The following EFNA2 variants were observed in gnomAD, a reference collection of about 807,000 sequenced individuals.
EFNA2 encodes ephrin A2, also known as ephrin-A2.
Under a neutral mutation model 19.7 loss-of-function variants are expected in EFNA2, and 18 were observed. That is an observed-to-expected ratio of 0.91 (90% CI 0.63 to 1.35). The LOEUF is 1.35. EFNA2 is among the 40% of genes most tolerant of loss of function. The pLI, the probability that EFNA2 is intolerant of heterozygous loss-of-function variation, is 0.00. For synonymous variants in EFNA2, 187 were observed against 137.8 expected (o/e 1.36, Z -2.50); for missense variants, 303 against 296.0 (o/e 1.02, Z -0.17).
chr19:1,288,406 C>T (rs925311653), intron 1 of EFNA2, among the ~76,000 whole-genome samples: 11 of 152,038 alleles, frequency 7.2e-5, no homozygotes, highest in Non-Finnish European at 1.2e-4. Context: ...AGAGGAGTGG[C>T]GTCAGCCGGC....
In EFNA2 at chr19:1,300,124, A is replaced by C; in HGVS notation, c.*179A>C. ...TCCACCCGCCCCAGGACCAGCCCTC[A>C]GGGAGGGGAAACGGCCGAGAGCCCC... On this transcript the variant is annotated 3_prime_UTR_variant, in exon 4 of 4. Coordinates refer to ENST00000215368, the MANE Select transcript of EFNA2 (RefSeq NM_001405.4). 1.2e-6 allele frequency: 1 copy of C among 858,382 alleles called. No homozygotes were observed. The highest frequency in any genetic ancestry group is 1.6e-6 in the Non-Finnish European group (1 of 609,554). 53.2% of individuals were successfully genotyped at this position (858,382 alleles called of 1,614,324 possible).
Position 1,294,302 on chromosome 19 carries a change from G to A in EFNA2, c.141-1243G>A, listed in dbSNP as rs1014965611. On this transcript the variant is annotated intron_variant, in intron 1 of 3. Transcript: ENST00000215368. This position sits in a 1 kb window ranked among gnomAD's most constrained non-coding sequence, Gnocchi z 5.8. The stretch of plus-strand genomic sequence containing the variant: ...GCCGGGAGATCTAAGGGCTCCTGCC[G>A]CCATCGCCCGAGGCAGTGAGGGAAG... Among the ~76,000 whole-genome samples, 10 of 152,220 alleles carry A rather than the reference G, an allele frequency of 6.6e-5. No homozygotes were observed. The highest frequency in any genetic ancestry group is 6.2e-4 in the South Asian group (3 of 4,832).
chr19:1,301,294 G>A lies in EFNA2; in HGVS notation c.*1349G>A, dbSNP rs2081542383. ...GAGGCACGCCCGGTGGTGGGGGGTG[G>A]GCAGAGGGCTTTTGTAGGGGGTCGG... On this transcript the variant is annotated 3_prime_UTR_variant, in exon 4 of 4. Coordinates refer to ENST00000215368, the MANE Select transcript of EFNA2 (RefSeq NM_001405.4). 2.0e-5 allele frequency among the ~76,000 whole-genome samples: 3 copies of A among 150,626 alleles called. No individual in the cohort carries two copies. The highest frequency in any genetic ancestry group is 2.0e-4 in the Admixed American group (3 of 15,132).
upstream of EFNA2, among the ~76,000 whole-genome samples, chr19:1,285,327 C>T (rs1308327039): frequency 6.6e-6 from 1 of 152,180 alleles, no homozygotes; most frequent in Admixed American, 6.5e-5. The surrounding 1 kb of genome is among the most constrained non-coding windows in gnomAD (Gnocchi z 4.1). Flanking sequence ...CACTCCACAT[C>T]GGTCCACCTA....
At position 1,295,963 on chromosome 19, in the gene EFNA2, G is replaced by C. The variant is rs2081513138; in HGVS notation, c.454+105G>C. ...CTGGGGTGGGGCCGGGGAGTGGGCG[G>C]GGCAGCGCAGTGGGCGGGGCCGCGG... is the stretch of plus-strand genomic sequence containing the variant. On this transcript the variant is annotated intron_variant, in intron 2 of 3. Coordinates refer to ENST00000215368, the MANE Select transcript of EFNA2 (RefSeq NM_001405.4). This position sits in a 1 kb window ranked among gnomAD's most constrained non-coding sequence, Gnocchi z 5.8. 4 of 1,149,544 alleles carry C rather than the reference G, an allele frequency of 3.5e-6. No homozygotes were observed. In the South Asian group the frequency reaches 7.8e-5, roughly 22 times the overall value. The allele number at this position is 1,149,544 out of a possible 1,614,324, so 71.2% of individuals were successfully genotyped here.
At chr19:1,293,488 C>T (rs2081500732) in intron 1 of EFNA2, among the ~76,000 whole-genome samples, 6 of 151,814 alleles carry the variant, frequency 4.0e-5, no homozygotes, top group Admixed American at 3.3e-4. Flanking sequence ...TCCCCTTGCA[C>T]GGAGGGGAAA....
chr19:1,286,427 G>A lies in EFNA2; in HGVS notation c.140+119G>A, dbSNP rs978798787. ...CACGCGCGCGCCGCCGCCGGGATGC[G>A]GGCGCCCGGTTCCCGCGGGAGCCCC... On this transcript the variant is annotated intron_variant, in intron 1 of 3. Transcript: ENST00000215368. This position sits in a 1 kb window ranked among gnomAD's most constrained non-coding sequence, Gnocchi z 5.6. 1 of 290,056 alleles carries A rather than the reference G, an allele frequency of 3.4e-6. No homozygotes were observed. Among genetic ancestry groups the A allele is most frequent in the East Asian group, 1.8e-4 (1 of 5,612 alleles). The allele number at this position is 290,056 out of a possible 1,614,324, so 18.0% of individuals were successfully genotyped here.
Position 1,301,353 on chromosome 19 carries a change from C to T in EFNA2, c.*1408C>T, listed in dbSNP as rs910624305. ...GCCGCGTTGCCAGGCCTGGAGCTGG[C>T]GACCGGGCCTCCCTCTTCCCGTCAC... On this transcript the variant is annotated 3_prime_UTR_variant, in exon 4 of 4. Transcript: ENST00000215368. 2.6e-5 allele frequency among the ~76,000 whole-genome samples: 4 copies of T among 151,514 alleles called. No homozygotes were observed. The highest frequency in any genetic ancestry group is 4.4e-5 in the Non-Finnish European group (3 of 67,920).
Position 1,301,242 on chromosome 19 carries a change from T to C in EFNA2, c.*1297T>C, listed in dbSNP as rs1384879515. The stretch of plus-strand genomic sequence containing the variant: ...TATATATATTATATATAAATATATA[T>C]TGTGTACGGCCGCCGGCCGGCGGCT... On this transcript the variant is annotated 3_prime_UTR_variant, in exon 4 of 4. Transcript: ENST00000215368. Among the ~76,000 whole-genome samples, 3 of 149,074 alleles carry C rather than the reference T, an allele frequency of 2.0e-5. No homozygotes were observed. The highest frequency in any genetic ancestry group is 4.9e-5 in the African/African-American group (2 of 40,806).
In EFNA2 at chr19:1,286,091, C is replaced by G. The variant is rs2081462445; in HGVS notation, c.-78C>G. ...CGCCCTCCGCCCGCCCGCTCGGCGG[C>G]GGCGGCGGCGGCGGAGGAGGCGGAG... On this transcript the variant is annotated 5_prime_UTR_variant, in exon 1 of 4. Transcript: ENST00000215368. This position sits in a 1 kb window ranked among gnomAD's most constrained non-coding sequence, Gnocchi z 5.6. The G allele has an allele frequency of 2.5e-6, 1 of 395,056 alleles. No homozygotes were observed. The highest frequency in any genetic ancestry group is 2.2e-5 in the African/African-American group (1 of 45,158). The allele number at this position is 395,056 out of a possible 1,614,324, so 24.5% of individuals were successfully genotyped here.
Position 1,287,634 on chromosome 19 carries a change from C to A in EFNA2, c.140+1326C>A, listed in dbSNP as rs897195931. Among the ~76,000 whole-genome samples, 1 of 151,852 alleles carries A rather than the reference C, an allele frequency of 6.6e-6. No individual in the cohort carries two copies. Among genetic ancestry groups the A allele is most frequent in the African/African-American group, 2.4e-5 (1 of 41,322 alleles). ...CCCACCCTGGTCAACGGCCTCGGGT[C>A]GGGCCCTGGGGGCTGAGGGCAGGGA... is the stretch of plus-strand genomic sequence containing the variant. On this transcript the variant is annotated intron_variant, in intron 1 of 3. Transcript: ENST00000215368. This position sits in a 1 kb window ranked among gnomAD's most constrained non-coding sequence, Gnocchi z 6.2.
chr19:1,298,608 G>C lies in EFNA2; in HGVS notation c.512G>C (p.Arg171Pro). The change falls in exon 3 of 4, where the codon CGG becomes CCG. Residue 171 changes from arginine to proline, a missense_variant. Arg to Pro is a moderately radical substitution (Grantham distance 103). Transcript: ENST00000215368. ...TGCCTGCGACTGAAGGTGTACGTGC[G>C]GCCGACCAGTAAGTGCTCAGGGGGA... ...RPCLRLKVYVRPTNETLYEAP... is the reference protein window; with the variant it reads ...RPCLRLKVYVPPTNETLYEAP... 6.2e-7 allele frequency: 1 copy of C among 1,613,848 alleles called. No individual in the cohort carries two copies. The highest frequency in any genetic ancestry group is 8.5e-7 in the Non-Finnish European group (1 of 1,179,968).
chr19:1,286,172 G>C lies in EFNA2; in HGVS notation c.4G>C (p.Ala2Pro). 1 of 999,936 alleles carries C rather than the reference G, an allele frequency of 1.0e-6. No individual in the cohort carries two copies. The highest frequency in any genetic ancestry group is 1.2e-6 in the Non-Finnish European group (1 of 837,888). The allele number at this position is 999,936 out of a possible 1,614,324, so 61.9% of individuals were successfully genotyped here. A position where few individuals can be genotyped will look rare whatever the true frequency, so the allele number is the denominator to read the frequency against. The change falls in exon 1 of 4, where the codon GCG becomes CCG. Residue 2 changes from alanine (A) to proline (P), a missense_variant. Coordinates refer to ENST00000215368, the MANE Select transcript of EFNA2 (RefSeq NM_001405.4). This position sits in a 1 kb window ranked among gnomAD's most constrained non-coding sequence, Gnocchi z 5.6. ...GCGCGGCGGCCGGACCGGGGCCATG[G>C]CGCCCGCGCAGCGCCCGCTGCTCCC... is the stretch of plus-strand genomic sequence containing the variant. M[A>P]PAQRPLLPLL...
chr19:1,299,098 C>T (rs2081528687), intron 3 of EFNA2, among the ~76,000 whole-genome samples: 1 of 152,078 alleles, frequency 6.6e-6, no homozygotes, highest in South Asian at 2.1e-4. Flanking sequence ...TTTAGCCGGG[C>T]CTGGTGGCGG....
Position 1,295,677 on chromosome 19 carries a change from GTA to G in EFNA2, c.274_275del (p.Tyr92HisfsTer90). 6.2e-7 allele frequency: 1 copy of G among 1,610,300 alleles called. No individual in the cohort carries two copies. The highest frequency in any genetic ancestry group is 8.5e-7 in the Non-Finnish European group (1 of 1,178,766). On this transcript the variant is annotated frameshift_variant, in exon 2 of 4. Transcript: ENST00000215368. LOFTEE classifies it high-confidence loss of function. This position sits in a 1 kb window ranked among gnomAD's most constrained non-coding sequence, Gnocchi z 5.8. Reference protein sequence around the residue: ...PAERMEHYVLYMVNGEGHASC... With the variant: ...PAERMEHYVLXMVNGEGHASC... ...CCGAGCGCATGGAGCACTACGTGCT[GTA>G]CATGGTCAACGGCGAGGGCCACGCC...
At position 1,295,814 on chromosome 19, in the gene EFNA2, C is replaced by T; in HGVS notation, c.410C>T (p.Ser137Phe). The T allele has an allele frequency of 6.2e-7, 1 of 1,607,210 alleles. No individual in the cohort carries two copies. Among genetic ancestry groups the T allele is most frequent in the Non-Finnish European group, 8.5e-7 (1 of 1,178,136 alleles). The change falls in exon 2 of 4, where the codon TCC (serine) becomes TTC (phenylalanine). Residue 137 changes from serine to phenylalanine, a missense_variant. Physicochemically the swap from Ser to Phe is radical, Grantham distance 155. Transcript: ENST00000215368. The surrounding 1 kb of genome is among the most constrained non-coding windows in gnomAD (Gnocchi z 5.8). ...SEKFQLFTPF[S>F]LGFEFRPGHE... is the part of the protein sequence containing the mutation. ...AAGTTCCAGCTCTTCACGCCCTTCT[C>T]CCTGGGCTTCGAGTTCCGGCCCGGC...
At position 1,296,301 on chromosome 19, in the gene EFNA2, G is replaced by A. The variant is rs1189141213; in HGVS notation, c.454+443G>A. Reference sequence around the variant, plus strand: ...AGACCTGGCTCAGCCCCCCGATAGCGAGACCAGGGTGCCCGAGCCCCAGCA... The same window carrying A: ...AGACCTGGCTCAGCCCCCCGATAGCAAGACCAGGGTGCCCGAGCCCCAGCA... On this transcript the variant is annotated intron_variant, in intron 2 of 3. Transcript: ENST00000215368. The surrounding 1 kb of genome is among the most constrained non-coding windows in gnomAD (Gnocchi z 4.4). Among the ~76,000 whole-genome samples, 7 of 152,136 alleles carry A rather than the reference G, an allele frequency of 4.6e-5. No individual in the cohort carries two copies. The highest frequency in any genetic ancestry group is 1.7e-4 in the African/African-American group (7 of 41,432).
In EFNA2 at chr19:1,286,153, C is replaced by G; in HGVS notation, c.-16C>G. ...GCGGCGGCCGGGAGAGCGAGCGCGG[C>G]GGCCGGACCGGGGCCATGGCGCCCG... On this transcript the variant is annotated 5_prime_UTR_variant, in exon 1 of 4. Transcript: ENST00000215368. This position sits in a 1 kb window ranked among gnomAD's most constrained non-coding sequence, Gnocchi z 5.6. The G allele has an allele frequency of 1.1e-6, 1 of 924,260 alleles. No individual in the cohort carries two copies. Among genetic ancestry groups the G allele is most frequent in the Non-Finnish European group, 1.3e-6 (1 of 775,124 alleles). The allele number at this position is 924,260 out of a possible 1,614,324, so 57.3% of individuals were successfully genotyped here. A position where few individuals can be genotyped will look rare whatever the true frequency, so the allele number is the denominator to read the frequency against.
Position 1,300,566 on chromosome 19 carries a change from G to T in EFNA2, c.*621G>T, listed in dbSNP as rs1370286761. 6.6e-6 allele frequency among the ~76,000 whole-genome samples: 1 copy of T among 151,912 alleles called. No homozygotes were observed. The highest frequency in any genetic ancestry group is 1.5e-5 in the Non-Finnish European group (1 of 67,968). On this transcript the variant is annotated 3_prime_UTR_variant, in exon 4 of 4. Transcript: ENST00000215368. The stretch of plus-strand genomic sequence containing the variant: ...CCCCTCTGCTCTGCACCCCACTCGT[G>T]GGGGAACACAGCTGCAGCCCACCGC...
Sources: allele counts gnomAD v4.1 joint callset (sites outside exome capture counted in the v4.1 genomes callset), GRCh38; gene constraint gnomAD v4.1.1; non-coding constraint Gnocchi (gnomAD v3.1); transcripts MANE v1.5; gene names NCBI Gene and HGNC (gene_info 2026-07-23, HGNC 2026-07-21).